The following HIPK2 variants were observed in gnomAD, a reference collection of about 807,000 sequenced individuals.
The protein encoded by HIPK2 is homeodomain interacting protein kinase 2, also known as homeodomain-interacting protein kinase 2.
In HIPK2, 27 loss-of-function variants were observed where a neutral mutation model predicts 113.7. The ratio of observed to expected loss-of-function variants is 0.24; its 90% CI spans 0.17 to 0.33. The LOEUF is 0.33. HIPK2 is among the 10% of genes least tolerant of loss of function. The probability of loss-of-function intolerance (pLI) is 1.00; values close to 1 mark genes in which losing one functional copy is unlikely to be tolerated. For synonymous variants in HIPK2, 631 were observed against 642.2 expected (o/e 0.98, Z 0.26); for missense variants, 1,257 against 1,588.0 (o/e 0.79, Z 3.54).
At position 139,571,412 on chromosome 7, in the gene HIPK2, G is replaced by A. The variant is rs1240605605; in HGVS notation, c.*1515C>T. 6.6e-6 allele frequency: 1 copy of A among 152,306 alleles called. No homozygotes were observed. Among genetic ancestry groups the A allele is most frequent in the Non-Finnish European group, 1.5e-5 (1 of 68,092 alleles). 9.4% of individuals were successfully genotyped at this position (152,306 alleles called of 1,614,324 possible). A position where few individuals can be genotyped will look rare whatever the true frequency, so the allele number is the denominator to read the frequency against. On this transcript the variant is annotated 3_prime_UTR_variant, in exon 15 of 15. Coordinates refer to ENST00000406875, the MANE Select transcript of HIPK2 (RefSeq NM_022740.5). ...CTGGCCTCACAAATGGCGGAACTGG[G>A]GACAGAGTGGGGCAGGGGTGAAGGG...
At chr7:139,665,145 C>T (rs1802007526) in intron 2 of HIPK2, among the ~76,000 whole-genome samples, 1 of 152,046 alleles carries the variant, frequency 6.6e-6, no homozygotes, top group African/African-American at 2.4e-5. Context: ...TTAGGTGGTC[C>T]TCCCACCTCA....
chr7:139,662,090 TG>T lies in HIPK2; in HGVS notation c.1104-30366del, dbSNP rs1433393677. On this transcript the variant is annotated intron_variant, in intron 2 of 14. Coordinates refer to ENST00000406875, the MANE Select transcript of HIPK2 (RefSeq NM_022740.5). Reference sequence around the variant, plus strand: ...TTCCAAAGGGTGTTACCCACAAACGTGCTAAAAAGCCTTTTATGTCTTCATT... The same window carrying T: ...TTCCAAAGGGTGTTACCCACAAACGTCTAAAAAGCCTTTTATGTCTTCATT... Among the ~76,000 whole-genome samples the T allele has an allele frequency of 2.6e-5, 4 of 152,358 alleles. No individual in the cohort carries two copies. In the East Asian group the frequency reaches 7.7e-4, roughly 29 times the overall value.
intron 7 of HIPK2, among the ~76,000 whole-genome samples, chr7:139,615,292 G>A (rs1799999055): frequency 6.6e-6 from 1 of 152,232 alleles, no homozygotes; most frequent in African/African-American, 2.4e-5. Flanking sequence ...GAGAGGGAGA[G>A]GGACATGTTG....
chr7:139,584,758 G>A (rs938332855), intron 12 of HIPK2, among the ~76,000 whole-genome samples: 1 of 152,206 alleles, frequency 6.6e-6, no homozygotes, highest in African/African-American at 2.4e-5. Flanking sequence ...AGGCTCACCT[G>A]CAGCTTTTCC....
chr7:139,614,554 T>G (rs557364450), intron 7 of HIPK2, 61 bp from the exon 8 acceptor site: 6 of 1,021,798 alleles, frequency 5.9e-6, no homozygotes, highest in Admixed American at 3.9e-5. Context: ...GGAGGTGGCA[T>G]GTTGGGAGAC....
chr7:139,605,147 TGAGA>T (rs1799576904), intron 9 of HIPK2, among the ~76,000 whole-genome samples: 1 of 152,108 alleles, frequency 6.6e-6, no homozygotes, highest in Admixed American at 6.5e-5. Context: ...AAAGCAAAAA[TGAGA>T]GAGAGGCGGA....
intron 12 of HIPK2, among the ~76,000 whole-genome samples, chr7:139,596,343 C>A (rs1303037585): frequency 6.6e-6 from 1 of 152,124 alleles, no homozygotes; most frequent in Admixed American, 6.5e-5. Flanking sequence ...TGAGCCAAGG[C>A]AATGTTAGAG....
At chr7:139,672,487 T>TG (rs1251660527) in intron 2 of HIPK2, among the ~76,000 whole-genome samples, 3 of 152,150 alleles carry the variant, frequency 2.0e-5, no homozygotes, top group Non-Finnish European at 2.9e-5. Flanking sequence ...TTTTTTGAGA[T>TG]GGAGTTTCGC....
intron 11 of HIPK2, among the ~76,000 whole-genome samples, chr7:139,598,650 C>T (rs1190365552): frequency 6.6e-6 from 1 of 152,160 alleles, no homozygotes; most frequent in Non-Finnish European, 1.5e-5. Context: ...TTGAAATGTA[C>T]TGGCAATGAG....
At chr7:139,686,879 T>C (rs935417657) in intron 2 of HIPK2, among the ~76,000 whole-genome samples, 5 of 152,230 alleles carry the variant, frequency 3.3e-5, no homozygotes, top group African/African-American at 4.8e-5. Context: ...CATCACATGC[T>C]ACAGAGAACT....
chr7:139,653,732 CTGT>C (rs571636400), intron 2 of HIPK2, among the ~76,000 whole-genome samples: 17 of 151,580 alleles, frequency 1.1e-4, no homozygotes, highest in African/African-American at 2.4e-4. Context: ...CTCCTCGAGA[CTGT>C]TGTTGTTTTT....
Position 139,696,776 on chromosome 7 carries a change from C to T in HIPK2, c.1103+19156G>A, listed in dbSNP as rs1233966030. On this transcript the variant is annotated intron_variant, in intron 2 of 14. Transcript: ENST00000406875. ...TCACACAGGCTGAAAGGAACACTCA[C>T]ATCTTCCTGGCGTCAACACTCAGAG... Among the ~76,000 whole-genome samples, 18 of 152,280 alleles carry T rather than the reference C, an allele frequency of 1.2e-4. No homozygotes were observed. The East Asian group carries it at 2.1e-3, about 18-fold the overall frequency.
chr7:139,583,144 C>A (rs570729407), intron 13 of HIPK2, among the ~76,000 whole-genome samples: 2 of 152,268 alleles, frequency 1.3e-5, no homozygotes, highest in Non-Finnish European at 2.9e-5. Context: ...TCCCCACATT[C>A]TTCCACTGTG....
chr7:139,754,898 T>A (rs373614019), intron 1 of HIPK2, among the ~76,000 whole-genome samples: 1 of 152,188 alleles, frequency 6.6e-6, no homozygotes, highest in South Asian at 2.1e-4. Context: ...ACACAGCGAG[T>A]CTCTGATTCT....
intron 2 of HIPK2, among the ~76,000 whole-genome samples, chr7:139,708,043 G>A (rs186362981): frequency 3.3e-3 from 502 of 152,068 alleles, no homozygotes; most frequent in Non-Finnish European, 5.3e-3. Context: ...TCTGACAAAC[G>A]GGCCCTGCAG....
intron 1 of HIPK2, among the ~76,000 whole-genome samples, chr7:139,763,693 T>A (rs898871148): frequency 2.5e-4 from 38 of 152,332 alleles, no homozygotes; most frequent in African/African-American, 8.7e-4. Context: ...CTGTCGTCAT[T>A]ATTCCTGGAT....
intron 7 of HIPK2, among the ~76,000 whole-genome samples, chr7:139,619,323 A>C (rs556974368): frequency 3.0e-4 from 45 of 152,336 alleles, no homozygotes; most frequent in African/African-American, 1.0e-3. Context: ...ATTGATATTA[A>C]GAACAAAAAT....
chr7:139,594,689 G>A (rs531741445), intron 12 of HIPK2, among the ~76,000 whole-genome samples: 2 of 152,250 alleles, frequency 1.3e-5, no homozygotes, highest in African/African-American at 4.8e-5. Context: ...GAAGCCTTTT[G>A]GATGACTCCC....
chr7:139,767,086 A>G (rs530734634), intron 1 of HIPK2, among the ~76,000 whole-genome samples: 1 of 152,240 alleles, frequency 6.6e-6, no homozygotes, highest in Admixed American at 6.5e-5. Flanking sequence ...TCTCACATCC[A>G]AGAAAAGCTT....
Sources: allele counts gnomAD v4.1 joint callset (sites outside exome capture counted in the v4.1 genomes callset), GRCh38; gene constraint gnomAD v4.1.1; transcripts MANE v1.5; gene names NCBI Gene and HGNC (gene_info 2026-07-23, HGNC 2026-07-21).